The following ZNF407 variants were observed in gnomAD, a reference collection of about 807,000 sequenced individuals.
ZNF407 encodes zinc finger protein 407.
Under a neutral mutation model 131.2 loss-of-function variants are expected in ZNF407, and 17 were observed. The ratio of observed to expected loss-of-function variants is 0.13; its 90% CI spans 0.09 to 0.19. The LOEUF (loss-of-function observed/expected upper bound fraction) is 0.19. ZNF407 is among the 10% of genes least tolerant of loss of function. The pLI is 1.00. For synonymous variants in ZNF407, 1,156 were observed against 1,062.0 expected (o/e 1.09, Z -1.72); for missense variants, 2,681 against 2,830.6 (o/e 0.95, Z 1.20).
chr18:74,857,024 G>A (rs1008442929), intron 4 of ZNF407, among the ~76,000 whole-genome samples: 1 of 152,160 alleles, frequency 6.6e-6, no homozygotes, highest in African/African-American at 2.4e-5. Context: ...ATTAGATAAA[G>A]GCTAAAGCTC....
rs761847884 is a variant in ZNF407, at chr18:75,063,271, C to T, written c.5550C>T (p.Leu1850=). Residue 1850 remains leucine, a synonymous_variant, in exon 9 of 9, where the codon CTC becomes CTT. Transcript: ENST00000299687. The surrounding 1 kb of genome is among the most constrained non-coding windows in gnomAD (Gnocchi z 6.6). Reference sequence around the variant, plus strand: ...AGCCCCTCGTCAAGGAGAAGCCCCTCAGAAGCAGCAGGAGGCCAGCGCCGC... The same window carrying T: ...AGCCCCTCGTCAAGGAGAAGCCCCTTAGAAGCAGCAGGAGGCCAGCGCCGC... ...AEEPLVKEKP[L]RSSRRPAPPP... 44 of 1,613,590 alleles carry T rather than the reference C, an allele frequency of 2.7e-5. No homozygotes were observed. The highest frequency in any genetic ancestry group is 3.5e-5 in the Non-Finnish European group (41 of 1,179,892).
intron 3 of ZNF407, among the ~76,000 whole-genome samples, chr18:74,779,838 C>CT (rs1177964154): frequency 2.0e-5 from 3 of 151,942 alleles, no homozygotes; most frequent in African/African-American, 7.3e-5. Flanking sequence ...ATAAGCTGTG[C>CT]TTTGCAGCTT....
intron 1 of ZNF407, 134 bp downstream of exon 1, chr18:74,598,071 C>T (rs1409358949): frequency 6.6e-6 from 1 of 152,096 alleles, no homozygotes; most frequent in Non-Finnish European, 1.5e-5. Flanking sequence ...GGGCCCTTCG[C>T]TCTTTCTCCT....
intron 3 of ZNF407, among the ~76,000 whole-genome samples, chr18:74,738,638 C>T (rs1170659867): frequency 6.7e-6 from 1 of 150,074 alleles, no homozygotes; most frequent in Non-Finnish European, 1.5e-5. Context: ...ACCTGTGAGG[C>T]TGGGGCAGGA....
intron 1 of ZNF407, among the ~76,000 whole-genome samples, chr18:74,627,139 G>A (rs767543947): frequency 6.6e-6 from 1 of 152,160 alleles, no homozygotes; most frequent in Admixed American, 6.5e-5. Flanking sequence ...CTGTTGCTTC[G>A]TAGGTTTCAT....
intron 4 of ZNF407, among the ~76,000 whole-genome samples, chr18:74,807,555 T>C (rs978111323): frequency 2.0e-5 from 3 of 152,172 alleles, no homozygotes; most frequent in Non-Finnish European, 4.4e-5. Flanking sequence ...AGTATTTTCA[T>C]CCTAAGTACA....
chr18:74,885,563 T>C (rs1971297525), intron 6 of ZNF407, among the ~76,000 whole-genome samples: 1 of 152,236 alleles, frequency 6.6e-6, no homozygotes, highest in South Asian at 2.1e-4. Flanking sequence ...CTTACACTAC[T>C]TGATGTCAAG....
At chr18:74,932,039 G>A (rs1327772951) in intron 8 of ZNF407, among the ~76,000 whole-genome samples, 1 of 152,006 alleles carries the variant, frequency 6.6e-6, no homozygotes, top group Non-Finnish European at 1.5e-5. Flanking sequence ...TATTCATAAG[G>A]TCCAGTTTAT....
chr18:74,718,908 A>G (rs775993030), intron 3 of ZNF407, among the ~76,000 whole-genome samples: 1 of 152,182 alleles, frequency 6.6e-6, no homozygotes, highest in Non-Finnish European at 1.5e-5. Flanking sequence ...TTTTAATAAT[A>G]TGCTTTTCTT....
chr18:74,615,312 C>T (rs1343770423), intron 1 of ZNF407, among the ~76,000 whole-genome samples: 1 of 152,184 alleles, frequency 6.6e-6, no homozygotes, highest in East Asian at 1.9e-4. Context: ...CGAGACCATC[C>T]TGGCCAACAT....
intron 8 of ZNF407, among the ~76,000 whole-genome samples, chr18:75,026,537 A>T (rs941638579): frequency 5.9e-5 from 9 of 152,240 alleles, no homozygotes; most frequent in African/African-American, 1.9e-4. Context: ...AAACACAAGA[A>T]TAAACAATTC....
chr18:74,678,440 A>G lies in ZNF407; in HGVS notation c.4802+37318A>G, dbSNP rs575128918. 8.0e-4 allele frequency among the ~76,000 whole-genome samples: 121 copies of G among 152,020 alleles called. 1 individual carries two copies. Among genetic ancestry groups the G allele is most frequent in the African/African-American group, 2.7e-3 (112 of 41,446 alleles). On this transcript the variant is annotated intron_variant, in intron 3 of 8. Transcript: ENST00000299687. ...AGGCCCCCACATTGGCCTGCCTGCAACCCCATTTTCTGCGCACCTAGGCCC... is the reference window on the plus strand; with the variant it reads ...AGGCCCCCACATTGGCCTGCCTGCAGCCCCATTTTCTGCGCACCTAGGCCC...
chr18:74,833,503 G>T (rs1171830433), intron 4 of ZNF407, among the ~76,000 whole-genome samples: 2 of 152,216 alleles, frequency 1.3e-5, no homozygotes, highest in African/African-American at 4.8e-5. Flanking sequence ...TGCCAGCACT[G>T]CACAGAGAGG....
chr18:74,690,103 C>G (rs193045435), intron 3 of ZNF407, among the ~76,000 whole-genome samples: 1 of 152,126 alleles, frequency 6.6e-6, no homozygotes, highest in Non-Finnish European at 1.5e-5. Context: ...GGATCAATAC[C>G]TGTTAACAGA....
At chr18:74,764,208 T>G (rs1969176447) in intron 3 of ZNF407, among the ~76,000 whole-genome samples, 1 of 152,238 alleles carries the variant, frequency 6.6e-6, no homozygotes, top group Admixed American at 6.5e-5. Flanking sequence ...CCACCTTGTA[T>G]TTTTGGACAT....
chr18:74,804,271 C>T (rs749151857), intron 4 of ZNF407: 126 of 1,183,416 alleles, frequency 1.1e-4, no homozygotes, highest in Non-Finnish European at 1.2e-4. Flanking sequence ...ATTGAGTACT[C>T]AGTTTTATAA....
chr18:74,966,817 T>A (rs1488027136), intron 8 of ZNF407, among the ~76,000 whole-genome samples: 1 of 152,234 alleles, frequency 6.6e-6, no homozygotes, highest in African/African-American at 2.4e-5. Context: ...CATTTTTTGA[T>A]GTCCTCTTCA....
Position 75,052,678 on chromosome 18 carries a change from C to G in ZNF407, c.5429-10472C>G, listed in dbSNP as rs1973515574. On this transcript the variant is annotated intron_variant, in intron 8 of 8. Transcript: ENST00000299687. ...GTCAGCCGCCTGATAGAGCTCGTTTCTTAGGTACCTGAGTTTGGATTACAC... is the reference window on the plus strand; with the variant it reads ...GTCAGCCGCCTGATAGAGCTCGTTTGTTAGGTACCTGAGTTTGGATTACAC... Among the ~76,000 whole-genome samples, 3 of 152,342 alleles carry G rather than the reference C, an allele frequency of 2.0e-5. No homozygotes were observed. In the South Asian group the frequency reaches 6.2e-4, roughly 32 times the overall value.
At position 74,632,348 on chromosome 18, in the gene ZNF407, G is replaced by T; in HGVS notation, c.1329G>T (p.Arg443Ser). ...CCTTGAAGGGCCAGGCAAAGAAAAG[G>T]TTTAATCTTTTAGGAATTAAAAGAG... The part of the protein sequence containing the change: ...TFTLKGQAKK[R>S]FNLLGIKRGT... Residue 443 changes from arginine to serine, a missense_variant, in exon 2 of 9, where the codon AGG (arginine) becomes AGT (serine). Coordinates refer to ENST00000299687, the MANE Select transcript of ZNF407 (RefSeq NM_017757.3). 2 of 1,614,020 alleles carry T rather than the reference G, an allele frequency of 1.2e-6. No individual in the cohort carries two copies. Among genetic ancestry groups the T allele is most frequent in the African/African-American group, 1.3e-5 (1 of 75,058 alleles).
Sources: gnomAD v4.1 joint callset for allele counts (sites outside exome capture counted in the v4.1 genomes callset) on GRCh38, gnomAD v4.1.1 for gene constraint, Gnocchi (gnomAD v3.1) non-coding constraint, MANE v1.5 for transcripts, NCBI Gene and HGNC (gene_info 2026-07-23, HGNC 2026-07-21) for gene names.